The following SOX5 variants were observed in gnomAD, a reference collection of about 807,000 sequenced individuals.
The protein encoded by SOX5 is SRY-box transcription factor 5.
Under a neutral mutation model 92.0 loss-of-function variants are expected in SOX5, and 9 were observed. The observed-to-expected ratio is 0.10, with a 90% confidence interval of 0.06 to 0.17. The LOEUF (loss-of-function observed/expected upper bound fraction) is 0.17, where lower values mean the gene tolerates loss of function less well. Among genes scored for constraint, SOX5 ranks in the 10% least tolerant of loss-of-function variants. SOX5 has a pLI of 1.00. For missense variants in SOX5, 642 were observed against 944.5 expected, an observed-to-expected ratio of 0.68 and a Z score of 4.20; for synonymous variants, 344 against 336.3, an observed-to-expected ratio of 1.02 and a Z score of -0.25.
In SOX5 at chr12:24,402,942, G is replaced by T. The variant is rs1185851943; in HGVS notation, c.-250-34303C>A. On this transcript the variant is annotated intron_variant, in intron 1 of 4. Transcript: ENST00000446891. ...CGTCTATCCAATCATAATGCTGAAG[G>T]TTAATTTTTCTAAAATGATATTCTA... 2.6e-5 allele frequency among the ~76,000 whole-genome samples: 4 copies of T among 152,160 alleles called. No individual in the cohort carries two copies. In the East Asian group the frequency reaches 7.7e-4, roughly 29 times the overall value.
chr12:23,898,017 A>T (rs1471254474), intron 1 of SOX5, among the ~76,000 whole-genome samples: 1 of 152,224 alleles, frequency 6.6e-6, no homozygotes, highest in East Asian at 1.9e-4. Context: ...TTTCATTGGC[A>T]ATACCATATC....
At chr12:24,505,159 C>CA (rs1948598669) in intron 1 of SOX5, among the ~76,000 whole-genome samples, 2 of 152,168 alleles carry the variant, frequency 1.3e-5, no homozygotes, top group African/African-American at 4.8e-5. Context: ...TTTCTTGTTT[C>CA]ATTTTTTTCT....
At chr12:23,898,808 T>C (rs2097202721) in intron 1 of SOX5, among the ~76,000 whole-genome samples, 1 of 152,214 alleles carries the variant, frequency 6.6e-6, no homozygotes, top group Non-Finnish European at 1.5e-5. Context: ...TGTTATAGAA[T>C]GTTCTCAATG....
intron 3 of SOX5, among the ~76,000 whole-genome samples, chr12:23,811,050 GGTGA>G (rs1473627949): frequency 1.3e-5 from 2 of 152,116 alleles, no homozygotes; most frequent in East Asian, 3.9e-4. Context: ...TCTGAGTGGG[GGTGA>G]GTAAGGTATT....
intron 3 of SOX5, among the ~76,000 whole-genome samples, chr12:23,787,077 G>A (rs1479401184): frequency 7.0e-5 from 8 of 114,458 alleles, no homozygotes; most frequent in Non-Finnish European, 9.9e-5. Flanking sequence ...ATAATTCACA[G>A]AACTTCTTTT....
At chr12:23,717,116 C>A (rs1489445591) in intron 6 of SOX5, among the ~76,000 whole-genome samples, 3 of 152,158 alleles carry the variant, frequency 2.0e-5, no homozygotes, top group Non-Finnish European at 2.9e-5. Context: ...ATATCATTGA[C>A]TTTCTCCCAC....
intron 2 of SOX5, among the ~76,000 whole-genome samples, chr12:23,889,156 C>T (rs761603079): frequency 5.9e-5 from 9 of 152,174 alleles, no homozygotes; most frequent in Non-Finnish European, 1.0e-4. Flanking sequence ...TCTCCCTAAA[C>T]AATGAAATTC....
At chr12:24,311,045 A>T (rs1440379723) in intron 2 of SOX5, among the ~76,000 whole-genome samples, 2 of 152,194 alleles carry the variant, frequency 1.3e-5, no homozygotes, top group African/African-American at 4.8e-5. Context: ...CCTTTCTCCT[A>T]GGAAGCATGG....
intron 4 of SOX5, among the ~76,000 whole-genome samples, chr12:24,202,773 T>G (rs1207595494): frequency 6.6e-6 from 1 of 152,228 alleles, no homozygotes; most frequent in Non-Finnish European, 1.5e-5. Context: ...AATTACTTTT[T>G]GTGCCTTTCT....
intron 3 of SOX5, among the ~76,000 whole-genome samples, chr12:24,234,824 C>A (rs978919249): frequency 6.6e-6 from 1 of 152,090 alleles, no homozygotes; most frequent in Admixed American, 6.6e-5. Context: ...CCCAGGGGAC[C>A]TTTAGCAAAG....
intron 4 of SOX5, among the ~76,000 whole-genome samples, chr12:24,121,877 C>T: frequency 9.3e-6 from 1 of 108,094 alleles, no homozygotes; most frequent in Admixed American, 1.3e-4. Flanking sequence ...CAGAGTGAGA[C>T]TCTATCTCAA....
chr12:23,865,510 C>T (rs547942780), intron 2 of SOX5, among the ~76,000 whole-genome samples: 41 of 152,098 alleles, frequency 2.7e-4, no homozygotes, highest in African/African-American at 9.4e-4. Context: ...CCCATCTCTA[C>T]TAAAAATACG....
At chr12:24,342,254 CTCT>C (rs1311459550) in intron 2 of SOX5, among the ~76,000 whole-genome samples, 1 of 152,298 alleles carries the variant, frequency 6.6e-6, no homozygotes, top group East Asian at 1.9e-4. Flanking sequence ...ACTCCTGATG[CTCT>C]TCTTTTCTCA....
intron 10 of SOX5, among the ~76,000 whole-genome samples, chr12:23,568,158 G>A (rs531774368): frequency 2.0e-5 from 3 of 152,280 alleles, no homozygotes; most frequent in African/African-American, 7.2e-5. Context: ...AGAGGAGAGA[G>A]ATTTGACCCA....
intron 3 of SOX5, among the ~76,000 whole-genome samples, chr12:24,225,380 A>G (rs990065070): frequency 6.6e-6 from 1 of 152,250 alleles, no homozygotes; most frequent in Non-Finnish European, 1.5e-5. Flanking sequence ...CCCAAAAAAT[A>G]AAGTCATTTA....
At chr12:24,142,091 T>C (rs537837142) in intron 4 of SOX5, among the ~76,000 whole-genome samples, 1 of 152,312 alleles carries the variant, frequency 6.6e-6, no homozygotes, top group South Asian at 2.1e-4. Context: ...TTTCTCCTTT[T>C]TCTGCTTTTT....
intron 1 of SOX5, among the ~76,000 whole-genome samples, chr12:23,915,115 T>C (rs140053134): frequency 1.2e-4 from 18 of 152,248 alleles, no homozygotes; most frequent in African/African-American, 4.3e-4. Flanking sequence ...TCTGAGTCCC[T>C]TTTCCCATTA....
chr12:24,167,977 A>G (rs1953623481), intron 4 of SOX5, among the ~76,000 whole-genome samples: 1 of 152,246 alleles, frequency 6.6e-6, no homozygotes, highest in African/African-American at 2.4e-5. Context: ...ACAGACTGCC[A>G]TCTCTTAGAG....
At chr12:23,972,419 G>A (rs1182749031) in intron 4 of SOX5, among the ~76,000 whole-genome samples, 1 of 152,116 alleles carries the variant, frequency 6.6e-6, no homozygotes. Context: ...GTGCAGTGGT[G>A]CAATCTCTGC....
Sources: allele counts gnomAD v4.1 joint callset (sites outside exome capture counted in the v4.1 genomes callset), GRCh38; gene constraint gnomAD v4.1.1; transcripts MANE v1.5; gene names NCBI Gene and HGNC (gene_info 2026-07-23, HGNC 2026-07-21).